NAV3: variants seen among roughly 807,000 people sequenced by gnomAD.
NAV3 encodes pore membrane and/or filament interacting like protein 1.
Under a neutral mutation model 244.7 loss-of-function variants are expected in NAV3, and 87 were observed. The ratio of observed to expected loss-of-function variants is 0.36; its 90% CI spans 0.30 to 0.42. NAV3 has a LOEUF of 0.42. NAV3 is among the 20% of genes least tolerant of loss of function. NAV3 has a pLI of 1.00. For missense variants in NAV3, 2,663 were observed against 2,893.3 expected (o/e 0.92, Z 1.83); for synonymous variants, 1,126 against 1,042.2 (o/e 1.08, Z -1.55).
intron 24 of NAV3, among the ~76,000 whole-genome samples, chr12:78,169,910 T>C (rs1334505126): frequency 1.3e-5 from 2 of 151,824 alleles, no homozygotes; most frequent in Non-Finnish European, 2.9e-5. Flanking sequence ...GTTTTTCTTC[T>C]GTTCCTTTGA....
chr12:77,938,819 G>A (rs1340774973), intron 1 of NAV3, among the ~76,000 whole-genome samples: 1 of 151,816 alleles, frequency 6.6e-6, no homozygotes, highest in African/African-American at 2.4e-5. Flanking sequence ...AAAAATAGAT[G>A]AACATACATG....
At chr12:78,190,407 A>C (rs1958921654) in intron 34 of NAV3, among the ~76,000 whole-genome samples, 188 bp downstream of exon 34, 1 of 152,024 alleles carries the variant, frequency 6.6e-6, no homozygotes, top group Non-Finnish European at 1.5e-5. Flanking sequence ...TACTATTTTC[A>C]GTAACATTCA....
chr12:77,601,265 G>A (rs1870416276), intron 2 of NAV3, among the ~76,000 whole-genome samples: 1 of 151,904 alleles, frequency 6.6e-6, no homozygotes, highest in African/African-American at 2.4e-5. Flanking sequence ...GGCAGAGTTA[G>A]GATTTGAAAC....
In NAV3 at chr12:77,831,263, G is replaced by A; in HGVS notation, c.-199G>A. ...TGAGAATGAATATGAATCCCAGCCA[G>A]CAAGAAAGAAAAGATACTTAACTAA... On this transcript the variant is annotated 5_prime_UTR_variant, in exon 1 of 40. Transcript: ENST00000397909. 2.0e-6 allele frequency: 1 copy of A among 500,072 alleles called. No individual in the cohort carries two copies. The highest frequency in any genetic ancestry group is 3.5e-6 in the Non-Finnish European group (1 of 284,764). 31.0% of individuals were successfully genotyped at this position (500,072 alleles called of 1,614,324 possible). A position where few individuals can be genotyped will look rare whatever the true frequency, so the allele number is the denominator to read the frequency against.
At chr12:77,861,722 G>C (rs1230556623) in intron 1 of NAV3, among the ~76,000 whole-genome samples, 1 of 151,694 alleles carries the variant, frequency 6.6e-6, no homozygotes, top group African/African-American at 2.4e-5. Context: ...TGAAAAAACA[G>C]AAATCTTAGG....
chr12:78,113,832 G>T (rs1258148878), intron 12 of NAV3, among the ~76,000 whole-genome samples: 1 of 152,106 alleles, frequency 6.6e-6, no homozygotes, highest in Non-Finnish European at 1.5e-5. Context: ...CTTTTCTATG[G>T]CATCATCAGG....
At chr12:77,820,110 GCA>G (rs965730520) in intron 2 of NAV3, among the ~76,000 whole-genome samples, 6 of 149,436 alleles carry the variant, frequency 4.0e-5, no homozygotes, top group African/African-American at 1.2e-4. Flanking sequence ...GTGTGTGTGT[GCA>G]CACGCACTAT....
intron 2 of NAV3, among the ~76,000 whole-genome samples, chr12:77,730,585 G>A (rs759861796): frequency 6.6e-5 from 10 of 151,818 alleles, no homozygotes; most frequent in Non-Finnish European, 1.5e-4. Flanking sequence ...TGTTCTAGGT[G>A]CTGAGGATAT....
At chr12:77,672,713 C>T (rs536052679) in intron 2 of NAV3, among the ~76,000 whole-genome samples, 2 of 151,908 alleles carry the variant, frequency 1.3e-5, no homozygotes, top group Non-Finnish European at 2.9e-5. Context: ...GGATAAATGA[C>T]TATACATTGG....
intron 23 of NAV3, among the ~76,000 whole-genome samples, chr12:78,160,609 T>A (rs963436620): frequency 6.6e-6 from 1 of 152,160 alleles, no homozygotes; most frequent in Non-Finnish European, 1.5e-5. Context: ...AAAAGTAGTA[T>A]GTATTACCAA....
At chr12:78,202,429 A>C (rs566602160) in intron 38 of NAV3, among the ~76,000 whole-genome samples, 1 of 152,192 alleles carries the variant, frequency 6.6e-6, no homozygotes, top group South Asian at 2.1e-4. Context: ...GATAATAGTT[A>C]AAATGCTTAG....
At chr12:77,720,717 C>T (rs1876583123) in intron 2 of NAV3, among the ~76,000 whole-genome samples, 1 of 152,060 alleles carries the variant, frequency 6.6e-6, no homozygotes, top group Non-Finnish European at 1.5e-5. Context: ...GCAACTATGG[C>T]CAGGGAGTAC....
intron 7 of NAV3, among the ~76,000 whole-genome samples, chr12:78,003,729 C>T (rs1873723104): frequency 6.6e-6 from 1 of 152,166 alleles, no homozygotes; most frequent in Non-Finnish European, 1.5e-5. Context: ...ACTTGGTTGG[C>T]ATTGTTCCCA....
chr12:77,907,326 A>G (rs2137000045), intron 1 of NAV3, among the ~76,000 whole-genome samples: 1 of 152,246 alleles, frequency 6.6e-6, no homozygotes, highest in South Asian at 2.1e-4. Flanking sequence ...ATCTATGTGG[A>G]AAGCCATTGC....
At chr12:77,717,845 T>C (rs1290001105) in intron 2 of NAV3, among the ~76,000 whole-genome samples, 1 of 152,166 alleles carries the variant, frequency 6.6e-6, no homozygotes, top group Non-Finnish European at 1.5e-5. Flanking sequence ...CCTTGATTTC[T>C]AGCGATGTTG....
At chr12:78,086,011 T>C (rs1953615729) in intron 12 of NAV3, among the ~76,000 whole-genome samples, 1 of 152,112 alleles carries the variant, frequency 6.6e-6, no homozygotes, top group Non-Finnish European at 1.5e-5. Flanking sequence ...GGGTTTCCCT[T>C]CCTGCTCAGC....
At chr12:77,753,697 G>A (rs1290418073) in intron 2 of NAV3, among the ~76,000 whole-genome samples, 2 of 152,166 alleles carry the variant, frequency 1.3e-5, no homozygotes, top group Non-Finnish European at 2.9e-5. Context: ...TTGTTCCACA[G>A]CACTGAAATC....
At chr12:78,118,445 G>C in intron 14 of NAV3, 148 bp downstream of exon 14, 1 of 1,170,700 alleles carries the variant, frequency 8.5e-7, no homozygotes, top group Non-Finnish European at 1.2e-6. Context: ...TAGTTTTTCT[G>C]TCTACGTTTC....
chr12:77,694,882 T>C (rs753355645), intron 2 of NAV3, among the ~76,000 whole-genome samples: 7 of 152,114 alleles, frequency 4.6e-5, no homozygotes, highest in Non-Finnish European at 7.4e-5. Flanking sequence ...AGATAACATG[T>C]TGCCTGCACA....
Sources: allele counts gnomAD v4.1 joint callset (sites outside exome capture counted in the v4.1 genomes callset), GRCh38; gene constraint gnomAD v4.1.1; transcripts MANE v1.5; gene names NCBI Gene and HGNC (gene_info 2026-07-23, HGNC 2026-07-21).